The following MYH6 variants were observed in gnomAD, a reference collection of about 807,000 sequenced individuals.
The protein encoded by MYH6 is myosin heavy chain 6.
MYH6 carries 126 observed loss-of-function variants against 223.2 expected under a neutral mutation model. The ratio of observed to expected loss-of-function variants is 0.56; its 90% CI spans 0.49 to 0.65. The LOEUF is 0.65. Ranked by LOEUF, MYH6 falls within the 30% of genes least tolerant of loss-of-function variation. The pLI, the probability that MYH6 is intolerant of heterozygous loss-of-function variation, is 0.00. For missense variants in MYH6, 2,040 were observed against 2,536.4 expected (o/e 0.80, Z 4.20); for synonymous variants, 978 against 1,010.2 (o/e 0.97, Z 0.61).
Position 23,398,896 on chromosome 14 carries a change from C to A in MYH6, c.1723G>T (p.Glu575Ter), listed in dbSNP as rs1192749008. The A allele has an allele frequency of 6.2e-7, 1 of 1,614,112 alleles. No individual in the cohort carries two copies. Among genetic ancestry groups the A allele is most frequent in the Non-Finnish European group, 8.5e-7 (1 of 1,180,032 alleles). The change falls in exon 15 of 39, where the codon GAA (glutamate) becomes TAA (stop). Residue 575 changes from glutamate to a stop codon, truncating the protein, a stop_gained. Transcript: ENST00000405093. LOFTEE classifies it high-confidence loss of function. The stretch of plus-strand genomic sequence containing the variant: ...TAGTGGATCAGGGAGAAGTGGGCTT[C>A]CTGCTTCCCCTTGATGTTGCGTGGC... The part of the protein sequence containing the change: ...QKPRNIKGKQ[E>*]AHFSLIHYAG...
chr14:23,405,601 C>T lies in MYH6; in HGVS notation c.345+26G>A, dbSNP rs372631352. The T allele has an allele frequency of 1.2e-5, 19 of 1,613,988 alleles. No homozygotes were observed. The highest frequency in any genetic ancestry group is 1.6e-5 in the Non-Finnish European group (19 of 1,179,990). ...TAGGCCTCCACGCAGCACAGGAAGC[C>T]TCTGCAGTGTGCAGGAGCCACTCAC... On this transcript the variant is annotated intron_variant, in intron 4 of 38. Coordinates refer to ENST00000405093, the MANE Select transcript of MYH6 (RefSeq NM_002471.4). This position sits in a 1 kb window ranked among gnomAD's most constrained non-coding sequence, Gnocchi z 4.7.
intron 20 of MYH6, 43 bp from the exon 21 acceptor site, chr14:23,394,366 G>T (rs761386679): frequency 6.2e-7 from 1 of 1,612,734 alleles, no homozygotes; most frequent in Non-Finnish European, 8.5e-7. Flanking sequence ...CTATAAAAGA[G>T]AGCTTCCCAA....
At chr14:23,404,141 C>A (rs1482906189) in intron 8 of MYH6, among the ~76,000 whole-genome samples, 155 bp downstream of exon 8, 2 of 152,234 alleles carry the variant, frequency 1.3e-5, no homozygotes, top group African/African-American at 4.8e-5. Context: ...AAAGTCAGAC[C>A]TTTGGCTCCA....
At position 23,386,356 on chromosome 14, in the gene MYH6, C is replaced by T. The variant is rs748924413; in HGVS notation, c.4918G>A (p.Glu1640Lys). 53 of 1,614,036 alleles carry T rather than the reference C, an allele frequency of 3.3e-5. No homozygotes were observed. Among genetic ancestry groups the T allele is most frequent in the African/African-American group, 5.3e-5 (4 of 74,924 alleles). ...QLSHANRMAA[E>K]AQKQVKSLQS... Reference sequence around the variant, plus strand: ...AGGCTCTTGACTTGCTTCTGGGCCTCGGCAGCCATGCGGTTGGCGTGGCTG... The same window carrying T: ...AGGCTCTTGACTTGCTTCTGGGCCTTGGCAGCCATGCGGTTGGCGTGGCTG... The change falls in exon 33 of 39, where the codon GAG becomes AAG. Residue 1640 changes from glutamate (E) to lysine (K), a missense_variant. Physicochemically the swap from Glu to Lys is moderately conservative, Grantham distance 56. This residue lies in a region of MYH6 where 1,203 missense variants were observed against 1,400.2 expected (regional missense o/e 0.86). Coordinates refer to ENST00000405093, the MANE Select transcript of MYH6 (RefSeq NM_002471.4).
In MYH6 at chr14:23,389,391, A is replaced by G. The variant is rs745609037; in HGVS notation, c.3978+2T>C. 4.3e-6 allele frequency: 7 copies of G among 1,613,896 alleles called. No individual in the cohort carries two copies. The highest frequency in any genetic ancestry group is 1.3e-5 in the African/African-American group (1 of 74,942). The stretch of plus-strand genomic sequence containing the variant: ...CTGCCCACCCTCCCCACTGGGCCTC[A>G]CCTTGCCCTCCTCCTCCAGCTGCCT... On this transcript the variant is annotated splice_donor_variant, in intron 28 of 38. Transcript: ENST00000405093. LOFTEE classifies it high-confidence loss of function.
In MYH6 at chr14:23,407,592, G is replaced by C; in HGVS notation, c.-30C>G. The C allele has an allele frequency of 8.5e-7, 1 of 1,178,588 alleles. No homozygotes were observed. Among genetic ancestry groups the C allele is most frequent in the Non-Finnish European group, 1.1e-6 (1 of 941,386 alleles). 73.0% of individuals were successfully genotyped at this position (1,178,588 alleles called of 1,614,324 possible). On this transcript the variant is annotated 5_prime_UTR_variant, in exon 2 of 39. Coordinates refer to ENST00000405093, the MANE Select transcript of MYH6 (RefSeq NM_002471.4). The surrounding 1 kb of genome is among the most constrained non-coding windows in gnomAD (Gnocchi z 5.6). ...AGTTCTCACCTGGTTATCCCTTCAC[G>C]GAGAATCCTGAAGAATCTGGACCGT...
chr14:23,405,564 C>A lies in MYH6; in HGVS notation c.345+63G>T, dbSNP rs1038231769. The A allele has an allele frequency of 2.5e-5, 41 of 1,611,626 alleles. No homozygotes were observed. Among genetic ancestry groups the A allele is most frequent in the Non-Finnish European group, 3.3e-5 (39 of 1,178,802 alleles). On this transcript the variant is annotated intron_variant, in intron 4 of 38. Transcript: ENST00000405093. The surrounding 1 kb of genome is among the most constrained non-coding windows in gnomAD (Gnocchi z 4.7). The stretch of plus-strand genomic sequence containing the variant: ...TCTCCCCCTCTTCTTGGGAGAGCCC[C>A]CCTGGCTTATTTAGGCCTCCACGCA...
At chr14:23,397,666 T>C (rs999081079) in intron 15 of MYH6, 53 bp from the exon 16 acceptor site, 22 of 1,583,544 alleles carry the variant, frequency 1.4e-5, no homozygotes, top group African/African-American at 6.7e-5. Flanking sequence ...AAAGGAGCCC[T>C]TGGGCAGAGG....
intron 34 of MYH6, among the ~76,000 whole-genome samples, 168 bp downstream of exon 34, chr14:23,385,760 G>C (rs1481263578): frequency 6.6e-6 from 1 of 152,092 alleles, no homozygotes; most frequent in Non-Finnish European, 1.5e-5. Flanking sequence ...AGTAGAGACC[G>C]CTTTCTTAAT....
At chr14:23,402,147 C>T (rs1020302685) in intron 12 of MYH6, among the ~76,000 whole-genome samples, 3 of 152,176 alleles carry the variant, frequency 2.0e-5, no homozygotes, top group Non-Finnish European at 4.4e-5. Context: ...AGGGGCTTAC[C>T]CAAGGGCTGG....
At chr14:23,390,914 T>G (rs190318355) in intron 25 of MYH6, among the ~76,000 whole-genome samples, 1 of 152,202 alleles carries the variant, frequency 6.6e-6, no homozygotes, top group African/African-American at 2.4e-5. Context: ...AACAATCAGA[T>G]ACCTTTGCAA....
intron 20 of MYH6, 103 bp downstream of exon 20, chr14:23,396,181 C>T: frequency 6.7e-7 from 1 of 1,488,254 alleles, no homozygotes; most frequent in African/African-American, 1.4e-5. Flanking sequence ...CTTGCCCAGG[C>T]CAGCTGGTAG....
chr14:23,384,841 C>G, intron 35 of MYH6, 75 bp downstream of exon 35: 1 of 1,613,262 alleles, frequency 6.2e-7, no homozygotes, highest in South Asian at 1.1e-5. Flanking sequence ...CTTGGTGTTA[C>G]AGCACAGTGG....
At position 23,389,600 on chromosome 14, in the gene MYH6, G is replaced by A. The variant is rs141143152; in HGVS notation, c.3852C>T (p.Thr1284=). 4.2e-5 allele frequency: 67 copies of A among 1,614,214 alleles called. No homozygotes were observed. The highest frequency in any genetic ancestry group is 1.4e-4 in the South Asian group (13 of 91,082). ...DFTTQRAKLQ[T]ENGELARQLE... is the part of the protein sequence containing the mutation. ...TTGGTTAGGGGCACCCACCATTCTC[G>A]GTCTGCAGCTTGGCTCGCTGGGTGG... Residue 1284 remains threonine (T), a synonymous_variant, in exon 27 of 39, where the codon ACC becomes ACT. Transcript: ENST00000405093.
chr14:23,397,943 C>T (rs952550112), intron 15 of MYH6, among the ~76,000 whole-genome samples: 46 of 58,026 alleles, frequency 7.9e-4, no homozygotes, highest in African/African-American at 3.4e-3. Flanking sequence ...TCTTCTTCTT[C>T]TTCTTCTTCT....
intron 34 of MYH6, among the ~76,000 whole-genome samples, chr14:23,385,616 A>G (rs143814879): frequency 6.6e-6 from 1 of 152,024 alleles, no homozygotes; most frequent in African/African-American, 2.4e-5. Context: ...AAACTCCCAA[A>G]CTCTCATCTT....
Position 23,384,736 on chromosome 14 carries a change from T to A in MYH6, c.5290-19A>T, listed in dbSNP as rs1485185173. ...TGGCGGCCTGTGTGCAGGAGAGAGG[T>A]GGCAAGGAACATGGGCCAGGGGCCG... On this transcript the variant is annotated intron_variant, in intron 35 of 38. Transcript: ENST00000405093. The A allele has an allele frequency of 6.8e-6, 11 of 1,614,096 alleles. No homozygotes were observed. Among genetic ancestry groups the A allele is most frequent in the Non-Finnish European group, 8.5e-6 (10 of 1,180,060 alleles).
At chr14:23,397,956 T>TTCTTCTTCC (rs1891467346) in intron 15 of MYH6, among the ~76,000 whole-genome samples, 1 of 106,956 alleles carries the variant, frequency 9.3e-6, no homozygotes, top group African/African-American at 4.1e-5. Flanking sequence ...CTTCTTCTTC[T>TTCTTCTTCC]TCTTCTTCTT....
In MYH6 at chr14:23,400,948, G is replaced by C; in HGVS notation, c.1171C>G (p.Leu391Val). 1 of 1,614,062 alleles carries C rather than the reference G, an allele frequency of 6.2e-7. No homozygotes were observed. Among genetic ancestry groups the C allele is most frequent in the Non-Finnish European group, 8.5e-7 (1 of 1,180,020 alleles). Residue 391 changes from leucine to valine, a missense_variant, in exon 13 of 39, where the codon CTG becomes GTG. By Grantham distance (32) the Leu-to-Val change is conservative. Around this residue, in one of 4 missense-constraint regions of MYH6, gnomAD observed 649 missense variants for 877.3 expected, o/e 0.74. Coordinates refer to ENST00000405093, the MANE Select transcript of MYH6 (RefSeq NM_002471.4). ...CCCTTGAGCAGGTCAGCTGAGTTCA[G>C]CCCCATGAGGTAGGCCGACTTGTCA... is the stretch of plus-strand genomic sequence containing the variant. The part of the protein sequence containing the change: ...DADKSAYLMG[L>V]NSADLLKGLC...
Sources: gnomAD v4.1 joint callset for allele counts (sites outside exome capture counted in the v4.1 genomes callset) on GRCh38, gnomAD v4.1.1 for gene constraint, gnomAD v4.1.1 regional missense constraint, Gnocchi (gnomAD v3.1) non-coding constraint, MANE v1.5 for transcripts, NCBI Gene and HGNC (gene_info 2026-07-23, HGNC 2026-07-21) for gene names.